The following COL24A1 variants were observed in gnomAD, a reference collection of about 807,000 sequenced individuals.
COL24A1 encodes collagen type XXIV alpha 1 chain, also known as collagen alpha-1(XXIV) chain.
In COL24A1, 224 loss-of-function variants were observed where a neutral mutation model predicts 253.9. The ratio of observed to expected loss-of-function variants is 0.88; its 90% CI spans 0.79 to 0.99. The LOEUF (loss-of-function observed/expected upper bound fraction) is 0.99, where lower values mean the gene tolerates loss of function less well. Ranked by LOEUF, COL24A1 falls within the 50% of genes least tolerant of loss-of-function variation. COL24A1 has a pLI of 0.00. For missense variants in COL24A1, 2,131 were observed against 2,068.5 expected, an observed-to-expected ratio of 1.03 and a Z score of -0.59; for synonymous variants, 685 against 673.7, an observed-to-expected ratio of 1.02 and a Z score of -0.26.
chr1:85,778,944 C>T (rs768093755), intron 52 of COL24A1, among the ~76,000 whole-genome samples: 1 of 152,054 alleles, frequency 6.6e-6, no homozygotes, highest in Non-Finnish European at 1.5e-5. Context: ...ACATTAAAGT[C>T]GTTAAAAGTT....
At chr1:86,086,567 T>C (rs937375001) in intron 7 of COL24A1, among the ~76,000 whole-genome samples, 5 of 152,154 alleles carry the variant, frequency 3.3e-5, no homozygotes, top group African/African-American at 1.2e-4. Context: ...CCCCAAGACT[T>C]ATTCATATGA....
rs1330059202 is a variant in COL24A1 at position 85,772,938 on chromosome 1, T to C, written c.4374+2736A>G. ...CTTTTGGTGTTTCAGAGATGAAGTC[T>C]TTGCCCATGCCTATGTCCTGAATGG... On this transcript the variant is annotated intron_variant, in intron 53 of 59. Transcript: ENST00000370571. 2.0e-5 allele frequency among the ~76,000 whole-genome samples: 3 copies of C among 152,302 alleles called. No individual in the cohort carries two copies. The East Asian group carries it at 5.8e-4, about 29-fold the overall frequency.
rs201724198 is a variant in COL24A1, at chr1:85,783,495, C to T, written c.4284+1G>A. ...GGTAGGCAGAATGACTTTACACTTA[C>T]TCTGTGTCCAATAGGACCTTTAGGA... On this transcript the variant is annotated splice_donor_variant, in intron 51 of 59. Transcript: ENST00000370571. LOFTEE classifies it high-confidence loss of function. 6.8e-6 allele frequency: 11 copies of T among 1,612,840 alleles called. No homozygotes were observed. The highest frequency in any genetic ancestry group is 9.3e-6 in the Non-Finnish European group (11 of 1,179,210).
intron 5 of COL24A1, among the ~76,000 whole-genome samples, chr1:86,106,086 A>T (rs1193371971): frequency 6.6e-6 from 1 of 152,058 alleles, no homozygotes; most frequent in East Asian, 1.9e-4. Context: ...TTACATTTTC[A>T]TAATGTTGGA....
chr1:86,136,842 A>G (rs1248020559), intron 2 of COL24A1, among the ~76,000 whole-genome samples: 2 of 152,124 alleles, frequency 1.3e-5, no homozygotes, highest in East Asian at 1.9e-4. Flanking sequence ...CTGAAGTGAA[A>G]TCATCAAATT....
chr1:85,974,213 A>G (rs947118464), intron 20 of COL24A1, among the ~76,000 whole-genome samples: 2 of 152,142 alleles, frequency 1.3e-5, no homozygotes, highest in African/African-American at 4.8e-5. Flanking sequence ...TTAAACACTA[A>G]TATTAACAAA....
In COL24A1 at chr1:85,785,437, T is replaced by G. The variant is rs141926957; in HGVS notation, c.4059+917A>C. Reference sequence around the variant, plus strand: ...GACTTTGGCCAAAGCTTCTTTAAGATTAACAAATTATCTCTCACTGTCTTG... The same window carrying G: ...GACTTTGGCCAAAGCTTCTTTAAGAGTAACAAATTATCTCTCACTGTCTTG... On this transcript the variant is annotated intron_variant, in intron 48 of 59. Transcript: ENST00000370571. 3.2e-4 allele frequency among the ~76,000 whole-genome samples: 49 copies of G among 152,320 alleles called. 1 individual carries two copies. The highest frequency in any genetic ancestry group is 1.1e-3 in the African/African-American group (45 of 41,588).
chr1:85,830,234 C>T (rs1401986901), intron 43 of COL24A1, among the ~76,000 whole-genome samples: 7 of 152,022 alleles, frequency 4.6e-5, no homozygotes, highest in Non-Finnish European at 7.4e-5. Flanking sequence ...TTAGGCTGCT[C>T]GGGGGTCAGG....
At chr1:85,828,116 G>A (rs1300746210) in intron 43 of COL24A1, among the ~76,000 whole-genome samples, 1 of 152,046 alleles carries the variant, frequency 6.6e-6, no homozygotes, top group Admixed American at 6.6e-5. Context: ...ATTCTGGTAT[G>A]TTGTGTCTTT....
At chr1:85,998,231 T>C (rs1350038925) in intron 19 of COL24A1, among the ~76,000 whole-genome samples, 1 of 152,214 alleles carries the variant, frequency 6.6e-6, no homozygotes, top group Non-Finnish European at 1.5e-5. Flanking sequence ...GGAATGCCCT[T>C]GCCCTCTGTT....
chr1:86,025,832 A>T (rs1235926857), intron 14 of COL24A1, among the ~76,000 whole-genome samples: 1 of 152,092 alleles, frequency 6.6e-6, no homozygotes, highest in Non-Finnish European at 1.5e-5. Context: ...GTATTTGAAC[A>T]CAGCATTTTT....
At chr1:85,849,992 T>G (rs1301694371) in intron 37 of COL24A1, among the ~76,000 whole-genome samples, 1 of 152,038 alleles carries the variant, frequency 6.6e-6, no homozygotes, top group East Asian at 1.9e-4. Context: ...TAGAAAGAGT[T>G]AAAGAGATAT....
intron 8 of COL24A1, among the ~76,000 whole-genome samples, chr1:86,061,377 T>C (rs1045762996): frequency 1.4e-4 from 22 of 152,108 alleles, no homozygotes; most frequent in Non-Finnish European, 2.9e-4. Flanking sequence ...TTTTATTCTG[T>C]AGGCCACTAT....
At chr1:86,115,300 C>T in intron 4 of COL24A1, 25 bp downstream of exon 4, 1 of 1,610,592 alleles carries the variant, frequency 6.2e-7, no homozygotes, top group Non-Finnish European at 8.5e-7. Context: ...TCACTGCCAG[C>T]AGGAAATATA....
At chr1:86,040,078 C>T (rs1363794527) in intron 12 of COL24A1, among the ~76,000 whole-genome samples, 1 of 152,072 alleles carries the variant, frequency 6.6e-6, no homozygotes, top group Non-Finnish European at 1.5e-5. Context: ...ATTCAAGTTC[C>T]GGCCTTGTTC....
chr1:85,816,967 T>A (rs1673105248), intron 46 of COL24A1, 72 bp from the exon 47 acceptor site: 1 of 1,137,028 alleles, frequency 8.8e-7, no homozygotes, highest in African/African-American at 1.6e-5. Flanking sequence ...CTTTTTTATT[T>A]ATTGAGCTGG....
chr1:85,827,873 C>G (rs1189789746), intron 43 of COL24A1, among the ~76,000 whole-genome samples: 1 of 152,170 alleles, frequency 6.6e-6, no homozygotes, highest in Non-Finnish European at 1.5e-5. Flanking sequence ...AAAAAACCAG[C>G]TCCTGGATTC....
chr1:86,055,653 C>G (rs1268467036), intron 10 of COL24A1, among the ~76,000 whole-genome samples: 2 of 152,124 alleles, frequency 1.3e-5, no homozygotes, highest in Non-Finnish European at 2.9e-5. Context: ...ATTATAGAAT[C>G]TATATAGTAA....
rs369171184 is a variant in COL24A1, at chr1:86,125,504, C to G, written c.832G>C (p.Val278Leu). The change falls in exon 3 of 60, where the codon GTA becomes CTA. Residue 278 changes from valine (V) to leucine (L), a missense_variant. Transcript: ENST00000370571. ...SPPPKLFAEK[V>L]LSEDTFTEGK... ...TCAGTAAATGTATCCTCTGACAGTA[C>G]TTTTTCAGCAAATAGTTTGGGCGGG... The G allele has an allele frequency of 1.9e-6, 3 of 1,613,452 alleles. No individual in the cohort carries two copies. The highest frequency in any genetic ancestry group is 1.1e-5 in the South Asian group (1 of 91,080).
Sources: allele counts gnomAD v4.1 joint callset (sites outside exome capture counted in the v4.1 genomes callset), GRCh38; gene constraint gnomAD v4.1.1; transcripts MANE v1.5; gene names NCBI Gene and HGNC (gene_info 2026-07-23, HGNC 2026-07-21).